MYT1L: variants seen among roughly 807,000 people sequenced by gnomAD.
MYT1L encodes the protein myelin transcription factor 1-like protein.
In MYT1L, 12 loss-of-function variants were observed where a neutral mutation model predicts 126.7. That is an observed-to-expected ratio of 0.09 (90% CI 0.06 to 0.15). The LOEUF (loss-of-function observed/expected upper bound fraction) is 0.15. MYT1L is among the 10% of genes least tolerant of loss of function. The pLI, the probability that MYT1L is intolerant of heterozygous loss-of-function variation, is 1.00. For missense variants in MYT1L, 979 were observed against 1,585.2 expected, an observed-to-expected ratio of 0.62 and a Z score of 6.49; for synonymous variants, 541 against 604.2, an observed-to-expected ratio of 0.90 and a Z score of 1.53.
chr2:1,894,747 G>A (rs1216188555), intron 14 of MYT1L, among the ~76,000 whole-genome samples: 3 of 152,210 alleles, frequency 2.0e-5, no homozygotes, highest in South Asian at 4.1e-4. Flanking sequence ...TGCACTCAGC[G>A]TTGGTGAGGG....
At chr2:1,900,625 A>T (rs925577775) in intron 14 of MYT1L, among the ~76,000 whole-genome samples, 2 of 152,194 alleles carry the variant, frequency 1.3e-5, no homozygotes, top group African/African-American at 4.8e-5. Flanking sequence ...CTGTCAGATG[A>T]GTCTAGTGAA....
chr2:2,080,608 A>G (rs1405243219), intron 3 of MYT1L, among the ~76,000 whole-genome samples: 1 of 152,196 alleles, frequency 6.6e-6, no homozygotes, highest in Non-Finnish European at 1.5e-5. Flanking sequence ...CATCTGGGAA[A>G]TGCAAATAAA....
At chr2:2,254,466 T>G (rs1475027897) in intron 2 of MYT1L, among the ~76,000 whole-genome samples, 2 of 152,168 alleles carry the variant, frequency 1.3e-5, no homozygotes, top group Non-Finnish European at 2.9e-5. Context: ...GCGCTGGAGC[T>G]GCTGAGAGAA....
chr2:1,851,695 G>A lies in MYT1L; in HGVS notation c.2720C>T (p.Thr907Met), dbSNP rs779713627. 4.3e-6 allele frequency: 7 copies of A among 1,613,624 alleles called. No homozygotes were observed. The highest frequency in any genetic ancestry group is 1.7e-5 in the Admixed American group (1 of 60,008). ...ATGTCCAGAACCATCACAGCCAGGC[G>A]TGGGGCACCTACAATAAAAAATGCA... ...ATSSQELKCPTPGCDGSGHIT... is the reference protein window; with the variant it reads ...ATSSQELKCPMPGCDGSGHIT... Residue 907 changes from threonine to methionine, a missense_variant, in exon 19 of 25, where the codon ACG (threonine) becomes ATG (methionine). Thr to Met is a moderately conservative substitution (Grantham distance 81). Transcript: ENST00000647738.
At chr2:2,309,679 C>G (rs2095924533) in intron 1 of MYT1L, among the ~76,000 whole-genome samples, 1 of 151,796 alleles carries the variant, frequency 6.6e-6, no homozygotes, top group Non-Finnish European at 1.5e-5. Context: ...TCTACTTCAC[C>G]TAAACTTTAC....
At chr2:2,300,575 G>A (rs931246944) in intron 1 of MYT1L, among the ~76,000 whole-genome samples, 8 of 152,138 alleles carry the variant, frequency 5.3e-5, no homozygotes, top group African/African-American at 1.9e-4. Flanking sequence ...CTCCATAAAT[G>A]AAGCACAGTT....
rs183036714 is a variant in MYT1L at position 2,119,129 on chromosome 2, G to A, written c.-304+53743C>T. On this transcript the variant is annotated intron_variant, in intron 3 of 24. Coordinates refer to ENST00000647738, the MANE Select transcript of MYT1L (RefSeq NM_001303052.2). ...CGCTACCTCTGAATCACAGCTTCAC[G>A]CTAACAGGACATTTTCACGTACATT... Among the ~76,000 whole-genome samples, 55 of 152,308 alleles carry A rather than the reference G, an allele frequency of 3.6e-4. No homozygotes were observed. The South Asian group carries it at 8.7e-3, about 24-fold the overall frequency.
In MYT1L at chr2:1,806,731, G is replaced by A. The variant is rs1377389503; in HGVS notation, c.3172+2345C>T. On this transcript the variant is annotated intron_variant, in intron 22 of 24. Transcript: ENST00000647738. The surrounding 1 kb of genome is among the most constrained non-coding windows in gnomAD (Gnocchi z 4.9). Reference sequence around the variant, plus strand: ...CAGGTGTGAATGGCCCCTCCTCTAGGATTGGCAGATCTGTTCTCTCCGTAT... The same window carrying A: ...CAGGTGTGAATGGCCCCTCCTCTAGAATTGGCAGATCTGTTCTCTCCGTAT... Among the ~76,000 whole-genome samples the A allele has an allele frequency of 6.6e-6, 1 of 152,134 alleles. No individual in the cohort carries two copies. The highest frequency in any genetic ancestry group is 2.4e-5 in the African/African-American group (1 of 41,428).
chr2:2,162,669 G>C (rs1182335472), intron 3 of MYT1L, among the ~76,000 whole-genome samples: 2 of 152,328 alleles, frequency 1.3e-5, no homozygotes, highest in South Asian at 4.1e-4. Flanking sequence ...AGATTCCGCA[G>C]GGCAGGGCCA....
chr2:1,810,602 C>T lies in MYT1L; in HGVS notation c.3081-1435G>A, dbSNP rs1219081184. Reference sequence around the variant, plus strand: ...ACTCTTTACTAGTGCAGGCAGATTACATCATTATTAGAAATATCTCTAATA... The same window carrying T: ...ACTCTTTACTAGTGCAGGCAGATTATATCATTATTAGAAATATCTCTAATA... On this transcript the variant is annotated intron_variant, in intron 21 of 24. Transcript: ENST00000647738. 2.0e-5 allele frequency among the ~76,000 whole-genome samples: 3 copies of T among 152,116 alleles called. No individual in the cohort carries two copies. The East Asian group carries it at 5.8e-4, about 29-fold the overall frequency.
In MYT1L at chr2:1,930,804, T is replaced by C. The variant is rs550424095; in HGVS notation, c.506-7541A>G. On this transcript the variant is annotated intron_variant, in intron 9 of 24. Coordinates refer to ENST00000647738, the MANE Select transcript of MYT1L (RefSeq NM_001303052.2). ...TTAAACTTTTAGGTTCGGGGGTCCA[T>C]GTGCAGGTTTGTTTTATAGGTAAAC... 5.9e-5 allele frequency among the ~76,000 whole-genome samples: 9 copies of C among 152,350 alleles called. No homozygotes were observed. In the South Asian group the frequency reaches 6.2e-4, roughly 11 times the overall value.
At chr2:2,143,358 A>G (rs1232454283) in intron 3 of MYT1L, among the ~76,000 whole-genome samples, 5 of 151,808 alleles carry the variant, frequency 3.3e-5, no homozygotes, top group Non-Finnish European at 7.4e-5. Flanking sequence ...CCCTAGAAAA[A>G]CAGGAACTGA....
At position 1,891,942 on chromosome 2, in the gene MYT1L, C is replaced by T. The variant is rs537150433; in HGVS notation, c.2283+95G>A. ...AGGAGATCACGGCGTTTGCCCCATACAGCTGCCCCGAAAGCGCCGCGTGTC... is the reference window on the plus strand; with the variant it reads ...AGGAGATCACGGCGTTTGCCCCATATAGCTGCCCCGAAAGCGCCGCGTGTC... On this transcript the variant is annotated intron_variant, in intron 15 of 24. Transcript: ENST00000647738. The T allele has an allele frequency of 2.1e-6, 3 of 1,436,664 alleles. No individual in the cohort carries two copies. The East Asian group carries it at 7.6e-5, about 36-fold the overall frequency. The allele number at this position is 1,436,664 out of a possible 1,614,324, so 89.0% of individuals were successfully genotyped here.
chr2:1,942,892 T>G, intron 9 of MYT1L, 90 bp downstream of exon 9: 1 of 1,443,922 alleles, frequency 6.9e-7, no homozygotes, highest in South Asian at 1.5e-5. Flanking sequence ...TTTCTTTATA[T>G]GCCAGTCATT....
rs1225206477 is a variant in MYT1L, at chr2:2,224,956, G to T, written c.-420-51968C>A. 2.0e-5 allele frequency among the ~76,000 whole-genome samples: 3 copies of T among 152,134 alleles called. No homozygotes were observed. Among genetic ancestry groups the T allele is most frequent in the African/African-American group, 7.2e-5 (3 of 41,436 alleles). Reference sequence around the variant, plus strand: ...TGCTTGTTTGCTGGGCTCCACGCTGGGTTTGAGGTTCTGTCACCGTCTTGG... The same window carrying T: ...TGCTTGTTTGCTGGGCTCCACGCTGTGTTTGAGGTTCTGTCACCGTCTTGG... On this transcript the variant is annotated intron_variant, in intron 2 of 24. Coordinates refer to ENST00000647738, the MANE Select transcript of MYT1L (RefSeq NM_001303052.2). This position sits in a 1 kb window ranked among gnomAD's most constrained non-coding sequence, Gnocchi z 4.0.
At chr2:1,956,619 TCTAC>T (rs1174179411) in intron 8 of MYT1L, among the ~76,000 whole-genome samples, 3,066 of 134,320 alleles carry the variant, frequency 0.023, 59 homozygotes, top group African/African-American at 0.036. Flanking sequence ...TATCTATCTA[TCTAC>T]CTACCTACCT....
chr2:2,049,280 C>A (rs1458292471), intron 4 of MYT1L, among the ~76,000 whole-genome samples: 2 of 152,158 alleles, frequency 1.3e-5, no homozygotes, highest in Non-Finnish European at 2.9e-5. Context: ...TCCACAAGTT[C>A]TCTGTGTGTA....
At chr2:2,074,938 C>T (rs1237785394) in intron 3 of MYT1L, among the ~76,000 whole-genome samples, 2 of 152,128 alleles carry the variant, frequency 1.3e-5, no homozygotes, top group Non-Finnish European at 2.9e-5. Flanking sequence ...TACAACAACC[C>T]CTTTGAGGTA....
intron 3 of MYT1L, among the ~76,000 whole-genome samples, chr2:2,156,770 G>A (rs1440879305): frequency 6.6e-6 from 1 of 152,202 alleles, no homozygotes; most frequent in Non-Finnish European, 1.5e-5. Context: ...GACATCACAA[G>A]AGGGTCCCTC....
Sources: allele counts gnomAD v4.1 joint callset (sites outside exome capture counted in the v4.1 genomes callset), GRCh38; gene constraint gnomAD v4.1.1; non-coding constraint Gnocchi (gnomAD v3.1); transcripts MANE v1.5; gene names NCBI Gene and HGNC (gene_info 2026-07-23, HGNC 2026-07-21).